The following UNC5B variants were observed in gnomAD, a reference collection of about 807,000 sequenced individuals.
UNC5B encodes unc-5 netrin receptor B.
UNC5B carries 56 observed loss-of-function variants against 103.7 expected under a neutral mutation model. That is an observed-to-expected ratio of 0.54 (90% confidence interval 0.44 to 0.67). The LOEUF (loss-of-function observed/expected upper bound fraction) is 0.67, where lower values mean the gene tolerates loss of function less well. Among genes scored for constraint, UNC5B ranks in the 30% least tolerant of loss-of-function variants. The pLI, the probability that UNC5B is intolerant of heterozygous loss-of-function variation, is 0.00. For missense variants in UNC5B, 1,194 were observed against 1,284.5 expected, an observed-to-expected ratio of 0.93 and a Z score of 1.08; for synonymous variants, 577 against 542.0, an observed-to-expected ratio of 1.06 and a Z score of -0.90.
chr10:71,233,511 C>G (rs1447006555), intron 1 of UNC5B, among the ~76,000 whole-genome samples: 1 of 152,204 alleles, frequency 6.6e-6, no homozygotes, highest in Non-Finnish European at 1.5e-5. Flanking sequence ...CCTATACTCC[C>G]TTGTCTCCCC....
chr10:71,237,636 T>C (rs1843802831), intron 1 of UNC5B, among the ~76,000 whole-genome samples: 2 of 152,230 alleles, frequency 1.3e-5, no homozygotes, highest in African/African-American at 2.4e-5. Context: ...AAGGTGTTCC[T>C]GCAGCACCTA....
chr10:71,270,898 A>G (rs569743804), intron 1 of UNC5B, among the ~76,000 whole-genome samples: 124 of 152,306 alleles, frequency 8.1e-4, no homozygotes, highest in African/African-American at 2.9e-3. Flanking sequence ...GGACAGCAGC[A>G]TTAACAAAGG....
chr10:71,240,683 C>G (rs189033046), intron 1 of UNC5B, among the ~76,000 whole-genome samples: 113 of 152,368 alleles, frequency 7.4e-4, no homozygotes, highest in African/African-American at 2.5e-3. Context: ...CCCCCACTGT[C>G]GCTCCACTAC....
At position 71,213,726 on chromosome 10, in the gene UNC5B, A is replaced by AGTGTGTGTGTGTGTGTGT. The variant is rs1238732312; in HGVS notation, c.79+663_79+664insTGTGTGTGTGTGTGTGTG. ...TTATTATTAATTTTCTGAGTGTTGG[A>AGTGTGTGTGTGTGTGTGT]GAGTGTGTGTGTGTGTGTGTGTGTG... On this transcript the variant is annotated intron_variant, in intron 1 of 16. Coordinates refer to ENST00000335350, the MANE Select transcript of UNC5B (RefSeq NM_170744.5). The surrounding 1 kb of genome is among the most constrained non-coding windows in gnomAD (Gnocchi z 4.1). Among the ~76,000 whole-genome samples, 2 of 81,856 alleles carry AGTGTGTGTGTGTGTGTGT rather than the reference A, an allele frequency of 2.4e-5. No individual in the cohort carries two copies. Among genetic ancestry groups the AGTGTGTGTGTGTGTGTGT allele is most frequent in the African/African-American group, 1.1e-4 (2 of 19,010 alleles). 53.7% of individuals were successfully genotyped at this position (81,856 alleles called of 152,430 possible).
chr10:71,265,611 G>A (rs1844506260), intron 1 of UNC5B, among the ~76,000 whole-genome samples: 1 of 152,218 alleles, frequency 6.6e-6, no homozygotes. Context: ...GCAGCTTCCA[G>A]GAACATGTCT....
chr10:71,214,530 G>A (rs532339530), intron 1 of UNC5B, among the ~76,000 whole-genome samples: 4 of 152,266 alleles, frequency 2.6e-5, no homozygotes, highest in Non-Finnish European at 5.9e-5. Context: ...GCAGTTAGAC[G>A]TGGGAGGTGC....
chr10:71,232,325 G>C (rs184221695), intron 1 of UNC5B, among the ~76,000 whole-genome samples: 4 of 152,230 alleles, frequency 2.6e-5, no homozygotes, highest in African/African-American at 9.6e-5. Flanking sequence ...TCACACCACC[G>C]CGTATGTGTT....
At chr10:71,295,685 T>G in intron 13 of UNC5B, 126 bp from the exon 14 acceptor site, 37 of 1,133,822 alleles carry the variant, frequency 3.3e-5, no homozygotes, top group Non-Finnish European at 3.7e-5. Context: ...AAGCCCTCTG[T>G]GAGCTCTTGC....
intron 10 of UNC5B, 139 bp downstream of exon 10, chr10:71,291,960 T>A (rs1179404188): frequency 1.5e-6 from 2 of 1,322,182 alleles, no homozygotes. Flanking sequence ...AGGCAGGAAG[T>A]GAGTATAAAA....
intron 1 of UNC5B, among the ~76,000 whole-genome samples, chr10:71,238,075 G>A (rs1424175322): frequency 2.0e-5 from 3 of 152,160 alleles, no homozygotes; most frequent in African/African-American, 7.2e-5. Context: ...ACTCCCTCAG[G>A]CAGAAATCTG....
chr10:71,256,432 T>C (rs1844292412), intron 1 of UNC5B, among the ~76,000 whole-genome samples: 2 of 152,224 alleles, frequency 1.3e-5, no homozygotes, highest in South Asian at 4.1e-4. Flanking sequence ...TATGGACTAA[T>C]GGAAGCTCGA....
At chr10:71,272,467 T>C (rs1224171957) in intron 1 of UNC5B, among the ~76,000 whole-genome samples, 1 of 152,136 alleles carries the variant, frequency 6.6e-6, no homozygotes, top group Non-Finnish European at 1.5e-5. Flanking sequence ...GTCTCCGCCC[T>C]GGGCAACAGG....
chr10:71,215,806 G>GGTGTGTGTGTGT (rs55848098), intron 1 of UNC5B, among the ~76,000 whole-genome samples: 1 of 149,540 alleles, frequency 6.7e-6, no homozygotes, highest in Non-Finnish European at 1.5e-5. Flanking sequence ...GTCTCTGCTT[G>GGTGTGTGTGTGT]GTGTGTGTGT....
rs562383295 is a variant in UNC5B, at chr10:71,233,266, C to T, written c.79+20202C>T. Among the ~76,000 whole-genome samples, 33 of 152,254 alleles carry T rather than the reference C, an allele frequency of 2.2e-4. No individual in the cohort carries two copies. The South Asian group carries it at 3.9e-3, about 18-fold the overall frequency. On this transcript the variant is annotated intron_variant, in intron 1 of 16. Transcript: ENST00000335350. The stretch of plus-strand genomic sequence containing the variant: ...CAGGTTTTCAAGTGTGTCCTAGCAC[C>T]GAGGAGATGAGGATCCTGAGGTGGC...
At chr10:71,225,728 G>A (rs972577016) in intron 1 of UNC5B, among the ~76,000 whole-genome samples, 1 of 152,218 alleles carries the variant, frequency 6.6e-6, no homozygotes, top group Non-Finnish European at 1.5e-5. Context: ...CCCTGGACCA[G>A]TCTTCACTCT....
rs770451311 is a variant in UNC5B at position 71,280,014 on chromosome 10, C to T, written c.273C>T (p.His91=). The change falls in exon 2 of 17, where the codon CAC becomes CAT. Residue 91 remains histidine (H), a synonymous_variant. Transcript: ENST00000335350. ...GCGAGTGGGTCAGCCAGAACGACCA[C>T]GTCACACAGGAAGGCCTGGATGAGG... ...CNGEWVSQND[H]VTQEGLDEAT... 16 of 1,614,058 alleles carry T rather than the reference C, an allele frequency of 9.9e-6. 1 individual carries two copies. Among genetic ancestry groups the T allele is most frequent in the Middle Eastern group, 3.3e-4 (2 of 6,060 alleles).
intron 1 of UNC5B, among the ~76,000 whole-genome samples, chr10:71,226,152 GCAATCTCTGCCTCC>G (rs1486326208): frequency 6.6e-6 from 1 of 152,066 alleles, no homozygotes; most frequent in Non-Finnish European, 1.5e-5. Flanking sequence ...TCGGCTCACT[GCAATCTCTGCCTCC>G]CAGGTTCAAG....
In UNC5B at chr10:71,212,831, T is replaced by C; in HGVS notation, c.-155T>C. 1.9e-6 allele frequency: 1 copy of C among 516,160 alleles called. No individual in the cohort carries two copies. The highest frequency in any genetic ancestry group is 3.0e-6 in the Non-Finnish European group (1 of 338,816). The allele number at this position is 516,160 out of a possible 1,614,324, so 32.0% of individuals were successfully genotyped here. On this transcript the variant is annotated 5_prime_UTR_variant, in exon 1 of 17. Coordinates refer to ENST00000335350, the MANE Select transcript of UNC5B (RefSeq NM_170744.5). ...GTGCCAGGCGGCCCTCCGCGCAGCG[T>C]GGCTTCCGCTGCCCCCACGGAAGGC... is the stretch of plus-strand genomic sequence containing the variant.
intron 3 of UNC5B, 106 bp from the exon 4 acceptor site, chr10:71,285,220 C>G: frequency 8.3e-7 from 1 of 1,203,302 alleles, no homozygotes; most frequent in Admixed American, 2.0e-5. Flanking sequence ...GTGGGCCCAT[C>G]AACAGTACCC....
Sources: gnomAD v4.1 joint callset for allele counts (sites outside exome capture counted in the v4.1 genomes callset) on GRCh38, gnomAD v4.1.1 for gene constraint, Gnocchi (gnomAD v3.1) non-coding constraint, MANE v1.5 for transcripts, NCBI Gene and HGNC (gene_info 2026-07-23, HGNC 2026-07-21) for gene names.